The following MACROD2 variants were observed in gnomAD, a reference collection of about 807,000 sequenced individuals.
MACROD2 encodes the protein ADP-ribose glycohydrolase MACROD2.
Under a neutral mutation model 70.4 loss-of-function variants are expected in MACROD2, and 36 were observed. That is an observed-to-expected ratio of 0.51 (90% CI 0.39 to 0.68). The LOEUF is 0.68. Among genes scored for constraint, MACROD2 ranks in the 30% least tolerant of loss-of-function variants. MACROD2 has a pLI of 0.00. For synonymous variants in MACROD2, 172 were observed against 178.8 expected (o/e 0.96, Z 0.30); for missense variants, 496 against 538.4 (o/e 0.92, Z 0.78).
chr20:14,560,308 TAC>T lies in MACROD2; in HGVS notation c.301+66830_301+66831del, dbSNP rs1232499100. Among the ~76,000 whole-genome samples, 671 of 147,406 alleles carry T rather than the reference TAC, an allele frequency of 4.6e-3. 3 individuals carry two copies. Among genetic ancestry groups the T allele is most frequent in the African/African-American group, 0.013 (535 of 40,160 alleles). ...TGGGAATGAATGACTGTACTTAATG[TAC>T]ACACACACACACACACACACACACA... On this transcript the variant is annotated intron_variant, in intron 4 of 17. Transcript: ENST00000684519.
chr20:14,705,348 AT>A (rs1470548534), intron 5 of MACROD2, among the ~76,000 whole-genome samples: 1 of 152,060 alleles, frequency 6.6e-6, no homozygotes, highest in Non-Finnish European at 1.5e-5. Context: ...TTTCATTTTT[AT>A]TAAAAAAAAA....
intron 4 of MACROD2, among the ~76,000 whole-genome samples, chr20:14,556,623 C>T (rs915900462): frequency 3.3e-5 from 5 of 151,980 alleles, no homozygotes; most frequent in African/African-American, 1.2e-4. Context: ...AATTTGATCC[C>T]GTCATTCCCA....
At chr20:15,984,938 T>C (rs1215378362) in intron 13 of MACROD2, among the ~76,000 whole-genome samples, 2 of 151,982 alleles carry the variant, frequency 1.3e-5, no homozygotes, top group Non-Finnish European at 2.9e-5. Flanking sequence ...GGGAAGGGGG[T>C]CTAAAACTAG....
In MACROD2 at chr20:14,741,923, A is replaced by G. The variant is rs1023459183; in HGVS notation, c.418+56964A>G. Reference sequence around the variant, plus strand: ...AGCACTTTCAAGAGTTATTACTGTCATCATACACTTCTTCATCTTCTTTCA... The same window carrying G: ...AGCACTTTCAAGAGTTATTACTGTCGTCATACACTTCTTCATCTTCTTTCA... On this transcript the variant is annotated intron_variant, in intron 5 of 17. Coordinates refer to ENST00000684519, the MANE Select transcript of MACROD2 (RefSeq NM_001351661.2). Among the ~76,000 whole-genome samples, 7 of 152,298 alleles carry G rather than the reference A, an allele frequency of 4.6e-5. No individual in the cohort carries two copies. The East Asian group carries it at 1.3e-3, about 29-fold the overall frequency.
At chr20:15,645,652 A>G (rs1446845451) in intron 8 of MACROD2, among the ~76,000 whole-genome samples, 1 of 152,200 alleles carries the variant, frequency 6.6e-6, no homozygotes, top group Non-Finnish European at 1.5e-5. Flanking sequence ...ATAGGTGGGA[A>G]GAAACCTCAT....
At chr20:15,116,530 A>G (rs2075992894) in intron 5 of MACROD2, among the ~76,000 whole-genome samples, 2 of 152,118 alleles carry the variant, frequency 1.3e-5, no homozygotes, top group African/African-American at 4.8e-5. Context: ...CTGTAATCCC[A>G]GCTACTTGGG....
intron 5 of MACROD2, among the ~76,000 whole-genome samples, chr20:15,066,340 G>T (rs1476836921): frequency 6.6e-6 from 1 of 151,310 alleles, no homozygotes; most frequent in Non-Finnish European, 1.5e-5. Context: ...CACCATGTTG[G>T]CCAGGCTGGT....
intron 8 of MACROD2, among the ~76,000 whole-genome samples, chr20:15,517,335 A>G (rs1019137569): frequency 5.9e-5 from 9 of 152,122 alleles, no homozygotes; most frequent in Non-Finnish European, 1.3e-4. Context: ...GTCTTATCTC[A>G]CACAGCACCT....
chr20:15,260,871 C>T (rs1014144131), intron 6 of MACROD2, among the ~76,000 whole-genome samples: 2 of 151,962 alleles, frequency 1.3e-5, no homozygotes, highest in African/African-American at 4.8e-5. Flanking sequence ...ATATTAATTT[C>T]CATTTTGCAA....
chr20:15,873,834 A>G (rs1486502360), intron 9 of MACROD2, among the ~76,000 whole-genome samples: 1 of 152,122 alleles, frequency 6.6e-6, no homozygotes, highest in Non-Finnish European at 1.5e-5. Flanking sequence ...TTTTAAGCCT[A>G]TGGACTTCGC....
intron 3 of MACROD2, among the ~76,000 whole-genome samples, chr20:14,169,662 C>T (rs895496877): frequency 6.6e-6 from 1 of 152,080 alleles, no homozygotes; most frequent in African/African-American, 2.4e-5. Flanking sequence ...ACATAAATAA[C>T]ACTATATTGC....
At chr20:15,842,960 A>C (rs2064190009) in intron 8 of MACROD2, among the ~76,000 whole-genome samples, 1 of 152,196 alleles carries the variant, frequency 6.6e-6, no homozygotes, top group Admixed American at 6.6e-5. Context: ...CTAAATTTTT[A>C]TGCAGAATTA....
At chr20:14,707,854 A>G (rs910833015) in intron 5 of MACROD2, among the ~76,000 whole-genome samples, 3 of 152,216 alleles carry the variant, frequency 2.0e-5, no homozygotes, top group African/African-American at 7.2e-5. Context: ...TGAATTCCAC[A>G]TTAAAATAAT....
intron 4 of MACROD2, among the ~76,000 whole-genome samples, chr20:14,510,287 A>G (rs1016930270): frequency 2.6e-5 from 4 of 151,862 alleles, no homozygotes; most frequent in Admixed American, 2.6e-4. Context: ...GAAAAGAAAA[A>G]TGTCTCTTGA....
intron 3 of MACROD2, among the ~76,000 whole-genome samples, chr20:14,255,653 T>C (rs1170740451): frequency 6.6e-6 from 1 of 151,202 alleles, no homozygotes; most frequent in Non-Finnish European, 1.5e-5. Flanking sequence ...ACCTGCACAT[T>C]GTGCACATGT....
intron 5 of MACROD2, among the ~76,000 whole-genome samples, chr20:15,066,264 T>C (rs2075574247): frequency 6.6e-6 from 1 of 151,996 alleles, no homozygotes; most frequent in African/African-American, 2.4e-5. Context: ...CTGGAGTAGC[T>C]GGGATTACAG....
intron 8 of MACROD2, among the ~76,000 whole-genome samples, chr20:15,827,172 G>A (rs1452317097): frequency 6.6e-6 from 1 of 152,104 alleles, no homozygotes; most frequent in Non-Finnish European, 1.5e-5. Flanking sequence ...TCAAAGATAA[G>A]AAGAAAAACT....
chr20:15,738,235 T>C (rs539220895), intron 8 of MACROD2, among the ~76,000 whole-genome samples: 4 of 152,312 alleles, frequency 2.6e-5, no homozygotes, highest in African/African-American at 4.8e-5. Context: ...TTTGAGGTGA[T>C]AGATACCTCA....
chr20:15,871,038 T>C (rs1160055849), intron 9 of MACROD2, among the ~76,000 whole-genome samples: 1 of 151,644 alleles, frequency 6.6e-6, no homozygotes, highest in African/African-American at 2.4e-5. Flanking sequence ...TGGCCAGGCG[T>C]GGTGATAGGC....
Sources: allele counts gnomAD v4.1 joint callset (sites outside exome capture counted in the v4.1 genomes callset), GRCh38; gene constraint gnomAD v4.1.1; transcripts MANE v1.5; gene names NCBI Gene and HGNC (gene_info 2026-07-23, HGNC 2026-07-21).